ADAMTSL2: variants seen among roughly 807,000 people sequenced by gnomAD.
ADAMTSL2 encodes ADAMTS like 2.
ADAMTSL2 carries 55 observed loss-of-function variants against 117.0 expected under a neutral mutation model. That is an observed-to-expected ratio of 0.47 (90% CI 0.38 to 0.59). The LOEUF is 0.59. Ranked by LOEUF, ADAMTSL2 falls within the 20% of genes least tolerant of loss-of-function variation. The probability of loss-of-function intolerance (pLI) is 0.00; values close to 1 mark genes in which losing one functional copy is unlikely to be tolerated. For missense variants in ADAMTSL2, 1,182 were observed against 1,354.5 expected, an observed-to-expected ratio of 0.87 and a Z score of 2.00; for synonymous variants, 572 against 566.4, an observed-to-expected ratio of 1.01 and a Z score of -0.14.
rs1428911768 is a variant in ADAMTSL2 at position 133,569,573 on chromosome 9, G to C, written c.2410G>C (p.Glu804Gln). The change falls in exon 16 of 19, where the codon GAG becomes CAG. Residue 804 changes from glutamate to glutamine, a missense_variant. Around this residue, in one of 3 missense-constraint regions of ADAMTSL2, gnomAD observed 465 missense variants for 565.3 expected, o/e 0.82. Coordinates refer to ENST00000651351, the MANE Select transcript of ADAMTSL2 (RefSeq NM_014694.4). ...CGCCCACTGGCTGGCCCAGGACTGG[G>C]AGCGGGTGAGTGCCCCAGAGCCCGC... ...CPAHWLAQDW[E>Q]RCNTTCGRGV... 6.1e-5 allele frequency: 95 copies of C among 1,569,530 alleles called. No homozygotes were observed. Among genetic ancestry groups the C allele is most frequent in the Non-Finnish European group, 8.2e-5 (95 of 1,156,530 alleles).
rs1322938788 is a variant in ADAMTSL2 at position 133,574,912 on chromosome 9, G to C, written c.*48G>C. On this transcript the variant is annotated 3_prime_UTR_variant, in exon 19 of 19. Transcript: ENST00000651351. ...CAGATGAAGACCAAGCGCCCCTCCTGGGGCTGCTGCAGCTTCTGGGGCCTC... is the reference window on the plus strand; with the variant it reads ...CAGATGAAGACCAAGCGCCCCTCCTCGGGCTGCTGCAGCTTCTGGGGCCTC... The C allele has an allele frequency of 1.2e-5, 18 of 1,497,202 alleles. No individual in the cohort carries two copies. In the African/African-American group the frequency reaches 2.3e-4, roughly 19 times the overall value. The allele number at this position is 1,497,202 out of a possible 1,614,324, so 92.7% of individuals were successfully genotyped here. A position where few individuals can be genotyped will look rare whatever the true frequency, so the allele number is the denominator to read the frequency against.
rs1010998598 is a variant in ADAMTSL2, at chr9:133,547,299, G to A, written c.939+86G>A. On this transcript the variant is annotated intron_variant, in intron 9 of 18. Coordinates refer to ENST00000651351, the MANE Select transcript of ADAMTSL2 (RefSeq NM_014694.4). ...AGCCACAGGTGAGGTCTTCCAGCCC[G>A]TGACGCCCCCAGGGCCACTGTGCGC... The A allele has an allele frequency of 2.8e-5, 39 of 1,400,468 alleles. 1 individual carries two copies. Among genetic ancestry groups the A allele is most frequent in the East Asian group, 9.1e-5 (4 of 43,868 alleles). The allele number at this position is 1,400,468 out of a possible 1,614,324, so 86.8% of individuals were successfully genotyped here.
intron 17 of ADAMTSL2, among the ~76,000 whole-genome samples, chr9:133,571,789 C>A (rs1455375924): frequency 3.3e-5 from 5 of 152,188 alleles, no homozygotes; most frequent in Non-Finnish European, 5.9e-5. Flanking sequence ...CTGGGAATCA[C>A]TGGGCAGGTG....
intron 14 of ADAMTSL2, 51 bp downstream of exon 14, chr9:133,568,537 G>T: frequency 6.4e-7 from 1 of 1,567,646 alleles, no homozygotes; most frequent in South Asian, 1.2e-5. Flanking sequence ...GGGGAGCTGG[G>T]CTTGGGAGAT....
At chr9:133,564,185 A>G (rs893070059) in intron 12 of ADAMTSL2, among the ~76,000 whole-genome samples, 1 of 43,850 alleles carries the variant, frequency 2.3e-5, no homozygotes, top group South Asian at 9.0e-4. Flanking sequence ...AGAGAGAGGG[A>G]GAGAGAGAGA....
chr9:133,568,130 C>T (rs755662417), intron 13 of ADAMTSL2, 143 bp from the exon 14 acceptor site: 1 of 870,396 alleles, frequency 1.1e-6, no homozygotes, highest in Non-Finnish European at 1.8e-6. Flanking sequence ...TCGACACCCT[C>T]CTGTCTGGCT....
At chr9:133,537,375 C>G (rs1311586462) in intron 2 of ADAMTSL2, 30 bp from the exon 3 acceptor site, 2 of 1,333,294 alleles carry the variant, frequency 1.5e-6, no homozygotes, top group Non-Finnish European at 1.9e-6. Flanking sequence ...CACTTGAGCC[C>G]TCTACCATCT....
intron 12 of ADAMTSL2, among the ~76,000 whole-genome samples, chr9:133,562,426 C>T (rs953776332): frequency 3.3e-5 from 5 of 151,502 alleles, no homozygotes; most frequent in Non-Finnish European, 4.4e-5. Context: ...CTGTGGGCGG[C>T]GTGGCGGGCA....
rs977410718 is a variant in ADAMTSL2, at chr9:133,552,594, A to G, written c.940-1763A>G. On this transcript the variant is annotated intron_variant, in intron 9 of 18. Transcript: ENST00000651351. Reference sequence around the variant, plus strand: ...GTCCACCTTCTTGACAGGGATAGAAAAGAACATATTTTCCAGATCAGTGGC... The same window carrying G: ...GTCCACCTTCTTGACAGGGATAGAAGAGAACATATTTTCCAGATCAGTGGC... 7.9e-5 allele frequency among the ~76,000 whole-genome samples: 12 copies of G among 152,318 alleles called. No individual in the cohort carries two copies. In the South Asian group the frequency reaches 1.7e-3, roughly 21 times the overall value.
intron 9 of ADAMTSL2, among the ~76,000 whole-genome samples, chr9:133,553,389 C>T (rs1013033391): frequency 7.9e-5 from 12 of 152,184 alleles, no homozygotes; most frequent in Non-Finnish European, 1.6e-4. Flanking sequence ...GGGTGTCTTT[C>T]TCTGCGGCTG....
chr9:133,544,608 C>T (rs1038350270), intron 8 of ADAMTSL2, 58 bp downstream of exon 8: 21 of 1,462,764 alleles, frequency 1.4e-5, no homozygotes, highest in African/African-American at 1.1e-4. Context: ...GAGCGTTGTG[C>T]GTGGCAGAGA....
intron 12 of ADAMTSL2, among the ~76,000 whole-genome samples, chr9:133,561,899 C>A (rs1202481070): frequency 1.3e-5 from 2 of 152,176 alleles, no homozygotes; most frequent in Non-Finnish European, 2.9e-5. Flanking sequence ...CTGGAGCTGC[C>A]TCTGCTGCCC....
chr9:133,558,974 T>C lies in ADAMTSL2; in HGVS notation c.1650-2224T>C, dbSNP rs1209995230. 6.6e-6 allele frequency among the ~76,000 whole-genome samples: 1 copy of C among 151,976 alleles called. No individual in the cohort carries two copies. The highest frequency in any genetic ancestry group is 1.5e-5 in the Non-Finnish European group (1 of 67,982). On this transcript the variant is annotated intron_variant, in intron 11 of 18. Coordinates refer to ENST00000651351, the MANE Select transcript of ADAMTSL2 (RefSeq NM_014694.4). The surrounding 1 kb of genome is among the most constrained non-coding windows in gnomAD (Gnocchi z 4.3). ...CCTTTGGTGCTTAAAATCCAAAGGG[T>C]TATTTTGAACCGGGCCCGCTCTCTC...
At chr9:133,556,025 G>A in intron 11 of ADAMTSL2, 95 bp downstream of exon 11, 1 of 1,492,178 alleles carries the variant, frequency 6.7e-7, no homozygotes, top group East Asian at 2.3e-5. Context: ...GGGGGGTCTG[G>A]CCAGAAGGGC....
Position 133,568,376 on chromosome 9 carries a change from T to A in ADAMTSL2, c.1978T>A (p.Ser660Thr). 1.2e-6 allele frequency: 2 copies of A among 1,605,106 alleles called. No individual in the cohort carries two copies. Among genetic ancestry groups the A allele is most frequent in the Non-Finnish European group, 1.7e-6 (2 of 1,176,620 alleles). The change falls in exon 14 of 19, where the codon TCC (serine) becomes ACC (threonine). Residue 660 changes from serine (S) to threonine (T), a missense_variant. By Grantham distance (58) the Ser-to-Thr change is moderately conservative (BLOSUM62 1). Coordinates refer to ENST00000651351, the MANE Select transcript of ADAMTSL2 (RefSeq NM_014694.4). ...WKMLSPGFDS[S>T]VYSDLCEAAE... The stretch of plus-strand genomic sequence containing the variant: ...GATGCTCTCGCCCGGCTTCGACAGC[T>A]CCGTGTACAGCGACCTGTGCGAGGC...
chr9:133,562,862 G>A lies in ADAMTSL2; in HGVS notation c.1747+1567G>A, dbSNP rs1289020067. 2.4e-4 allele frequency among the ~76,000 whole-genome samples: 30 copies of A among 126,970 alleles called. 2 individuals are homozygous for A. The highest frequency in any genetic ancestry group is 2.2e-3 in the South Asian group (9 of 4,142). The allele number at this position is 126,970 out of a possible 152,430, so 83.3% of individuals were successfully genotyped here. A position where few individuals can be genotyped will look rare whatever the true frequency, so the allele number is the denominator to read the frequency against. ...CACCCGGCTTGGCCAGGCTCGCACC[G>A]CTGTGGGAGGCGTGGTGGGCACCCG... On this transcript the variant is annotated intron_variant, in intron 12 of 18. Transcript: ENST00000651351.
At chr9:133,556,020 G>A in intron 11 of ADAMTSL2, 90 bp downstream of exon 11, 1 of 1,525,070 alleles carries the variant, frequency 6.6e-7, no homozygotes, top group East Asian at 2.3e-5. Flanking sequence ...CACTGGGGGG[G>A]TCTGGCCAGA....
Position 133,539,851 on chromosome 9 carries a change from C to T in ADAMTSL2, c.390C>T (p.His130=). 6.4e-7 allele frequency: 1 copy of T among 1,550,948 alleles called. No individual in the cohort carries two copies. Among genetic ancestry groups the T allele is most frequent in the Non-Finnish European group, 8.7e-7 (1 of 1,146,992 alleles). Residue 130 remains histidine (H), a synonymous_variant, in exon 5 of 19, where the codon CAC becomes CAT. Transcript: ENST00000651351. The part of the protein sequence containing the change: ...FNSHVYNGRT[H]QWKPLYPDDY... ...CCCACGTGTACAACGGGCGGACGCA[C>T]CAGTGGAAGCCTCTGTACCCGGGTA...
chr9:133,568,510 G>A (rs1043185818), intron 14 of ADAMTSL2, 24 bp downstream of exon 14: 54 of 1,585,160 alleles, frequency 3.4e-5, no homozygotes, highest in Middle Eastern at 1.7e-4. Context: ...GGAGCAAGCC[G>A]GGGGTCGGGA....
Sources: gnomAD v4.1 joint callset for allele counts (sites outside exome capture counted in the v4.1 genomes callset) on GRCh38, gnomAD v4.1.1 for gene constraint, gnomAD v4.1.1 regional missense constraint, Gnocchi (gnomAD v3.1) non-coding constraint, MANE v1.5 for transcripts, NCBI Gene and HGNC (gene_info 2026-07-23, HGNC 2026-07-21) for gene names.